NHSL1: variants seen among roughly 807,000 people sequenced by gnomAD.
The protein encoded by NHSL1 is NHS-like protein 1.
Under a neutral mutation model 95.0 loss-of-function variants are expected in NHSL1, and 48 were observed. The observed-to-expected ratio is 0.51, with a 90% confidence interval of 0.40 to 0.64. The LOEUF (loss-of-function observed/expected upper bound fraction) is 0.64. Among genes scored for constraint, NHSL1 ranks in the 30% least tolerant of loss-of-function variants. The probability of loss-of-function intolerance (pLI) is 0.00; values close to 1 mark genes in which losing one functional copy is unlikely to be tolerated. For missense variants in NHSL1, 1,971 were observed against 2,077.7 expected, an observed-to-expected ratio of 0.95 and a Z score of 1.00; for synonymous variants, 783 against 833.9, an observed-to-expected ratio of 0.94 and a Z score of 1.05.
rs56326954 is a variant in NHSL1, at chr6:138,423,815, CAAAAAA to C, written c.*260_*265del. On this transcript the variant is annotated 3_prime_UTR_variant, in exon 8 of 8. Coordinates refer to ENST00000343505, the MANE Select transcript of NHSL1 (RefSeq NM_001144060.2). ...GCACACATACACACCCAGCATTTAG[CAAAAAA>C]AAAAAAAAAAAAAAAAAATCTTCCC... The C allele has an allele frequency of 7.7e-3, 1,076 of 138,840 alleles. 12 individuals are homozygous for C. The highest frequency in any genetic ancestry group is 6.5e-3 in the Middle Eastern group (3 of 464). The allele number at this position is 138,840 out of a possible 1,614,324, so 8.6% of individuals were successfully genotyped here.
intron 1 of NHSL1, among the ~76,000 whole-genome samples, chr6:138,666,815 C>T (rs879370829): frequency 1.3e-5 from 2 of 152,118 alleles, no homozygotes; most frequent in Non-Finnish European, 2.9e-5. Context: ...GACGATGACT[C>T]GCTCTGAAGA....
intron 3 of NHSL1, among the ~76,000 whole-genome samples, chr6:138,467,973 C>T (rs1275897641): frequency 6.6e-6 from 1 of 152,126 alleles, no homozygotes; most frequent in Non-Finnish European, 1.5e-5. Flanking sequence ...GTCTTGAATT[C>T]CTGGACTCAT....
At chr6:138,590,468 C>T (rs184719046) in intron 1 of NHSL1, among the ~76,000 whole-genome samples, 24 of 152,268 alleles carry the variant, frequency 1.6e-4, no homozygotes, top group Admixed American at 1.4e-3. Flanking sequence ...AGCCCCTGCC[C>T]CTCTTCCCTC....
At chr6:138,605,141 G>T (rs905840913) in intron 1 of NHSL1, among the ~76,000 whole-genome samples, 3 of 152,186 alleles carry the variant, frequency 2.0e-5, no homozygotes, top group African/African-American at 7.2e-5. Flanking sequence ...ATCAAAAGCA[G>T]AAAACTGACT....
At chr6:138,441,439 G>C (rs147029537) in intron 5 of NHSL1, among the ~76,000 whole-genome samples, 40 of 152,232 alleles carry the variant, frequency 2.6e-4, no homozygotes, top group African/African-American at 9.4e-4. Flanking sequence ...AAGAATTAAG[G>C]ATAAAGAAGC....
In NHSL1 at chr6:138,692,202, A is replaced by G. The variant is rs1346331757; in HGVS notation, c.96+274T>C. The G allele has an allele frequency of 1.3e-5, 6 of 456,614 alleles. No homozygotes were observed. Among genetic ancestry groups the G allele is most frequent in the Admixed American group, 2.3e-5 (1 of 42,570 alleles). The allele number at this position is 456,614 out of a possible 1,614,324, so 28.3% of individuals were successfully genotyped here. ...CAAACAGACAGACACAGACAGACAGAAGGAGCAGACAAGGGGACTGTCCAA... is the reference window on the plus strand; with the variant it reads ...CAAACAGACAGACACAGACAGACAGGAGGAGCAGACAAGGGGACTGTCCAA... On this transcript the variant is annotated intron_variant, in intron 1 of 3. Transcript: ENST00000491526. This position sits in a 1 kb window ranked among gnomAD's most constrained non-coding sequence, Gnocchi z 4.0.
At chr6:138,666,757 C>T (rs1785300903) in intron 1 of NHSL1, among the ~76,000 whole-genome samples, 1 of 151,840 alleles carries the variant, frequency 6.6e-6, no homozygotes, top group South Asian at 2.1e-4. Flanking sequence ...TATTGATATA[C>T]AGGAGGGGAA....
At chr6:138,596,535 T>G (rs1784304247) in intron 1 of NHSL1, among the ~76,000 whole-genome samples, 1 of 152,212 alleles carries the variant, frequency 6.6e-6, no homozygotes, top group African/African-American at 2.4e-5. Flanking sequence ...TCATGACATT[T>G]AAAACCAAGT....
chr6:138,615,298 A>G (rs1461097079), intron 1 of NHSL1, among the ~76,000 whole-genome samples: 1 of 152,240 alleles, frequency 6.6e-6, no homozygotes, highest in African/African-American at 2.4e-5. Context: ...GTTGCTTTCC[A>G]GCCCCTTGTT....
intron 1 of NHSL1, among the ~76,000 whole-genome samples, chr6:138,681,983 C>CT (rs5880393): frequency 0.58 from 84,138 of 145,230 alleles, 25,286 homozygotes; most frequent in East Asian, 0.85. Context: ...TACCGCTTTT[C>CT]TTTTTTTTTT....
Position 138,571,570 on chromosome 6 carries a change from C to T in NHSL1, c.202+140G>A, listed in dbSNP as rs554496369. ...TTATTTTAGACATGTAAACAAATGA[C>T]GCCGAATTCCAATACAAAAACAAAC... On this transcript the variant is annotated intron_variant, in intron 1 of 6. Coordinates refer to the NHSL1 transcript ENST00000427025. The T allele has an allele frequency of 2.1e-5, 15 of 721,368 alleles. 1 individual carries two copies. The highest frequency in any genetic ancestry group is 1.1e-4 in the East Asian group (4 of 37,006). The allele number at this position is 721,368 out of a possible 1,614,324, so 44.7% of individuals were successfully genotyped here.
At chr6:138,553,333 C>T (rs1346232331) in intron 1 of NHSL1, among the ~76,000 whole-genome samples, 2 of 152,202 alleles carry the variant, frequency 1.3e-5, no homozygotes, top group African/African-American at 2.4e-5. Flanking sequence ...TTTTACTTCT[C>T]TAAAGCCTCA....
At position 138,433,642 on chromosome 6, in the gene NHSL1, C is replaced by A. The variant is rs1180485442; in HGVS notation, c.703G>T (p.Val235Leu). The change falls in exon 6 of 8, where the codon GTG (valine) becomes TTG (leucine). Residue 235 changes from valine to leucine, a missense_variant. Around this residue, in one of 3 missense-constraint regions of NHSL1, gnomAD observed 1,602 missense variants for 1,654.5 expected, o/e 0.97. Coordinates refer to ENST00000343505, the MANE Select transcript of NHSL1 (RefSeq NM_001144060.2). The stretch of plus-strand genomic sequence containing the variant: ...GTAGAGTAGTGATCAGGGGTGTACA[C>A]TGAGTGGCCATCAGCATCATCTTGG... Reference protein sequence around the residue: ...TGQDDADGHSVYTPDHYSTLG... With the variant: ...TGQDDADGHSLYTPDHYSTLG... 1.9e-6 allele frequency: 3 copies of A among 1,547,008 alleles called. No homozygotes were observed. In the Admixed American group the frequency reaches 5.9e-5, roughly 30 times the overall value.
chr6:138,594,920 G>A (rs866263988), intron 1 of NHSL1, among the ~76,000 whole-genome samples: 1 of 152,214 alleles, frequency 6.6e-6, no homozygotes, highest in African/African-American at 2.4e-5. Flanking sequence ...TGGTTAGCTG[G>A]CTGCTGGTTC....
chr6:138,645,738 C>T (rs1044137093), intron 1 of NHSL1, among the ~76,000 whole-genome samples: 1 of 152,040 alleles, frequency 6.6e-6, no homozygotes, highest in African/African-American at 2.4e-5. Flanking sequence ...GATTTCCTGA[C>T]CTTGTGATCT....
At chr6:138,653,834 G>A (rs1351318477) in intron 1 of NHSL1, among the ~76,000 whole-genome samples, 9 of 152,090 alleles carry the variant, frequency 5.9e-5, no homozygotes, top group Non-Finnish European at 1.2e-4. Flanking sequence ...AATGTTTCAC[G>A]AAACATGTCT....
At chr6:138,625,000 G>C (rs540905827) in intron 1 of NHSL1, among the ~76,000 whole-genome samples, 2 of 152,250 alleles carry the variant, frequency 1.3e-5, no homozygotes, top group South Asian at 2.1e-4. Context: ...GTGTGTGTGA[G>C]AGAGAGATAT....
In NHSL1 at chr6:138,682,008, T is replaced by A. The variant is rs1785518793; in HGVS notation, c.96+10468A>T. 2.0e-5 allele frequency among the ~76,000 whole-genome samples: 3 copies of A among 149,520 alleles called. No individual in the cohort carries two copies. The Admixed American group carries it at 2.0e-4, about 10-fold the overall frequency. On this transcript the variant is annotated intron_variant, in intron 1 of 3. Transcript: ENST00000491526. ...CTTTTTTTTTTTTTCTGAGACGGAGTTTTGATCTTGTCGCCCAGGCTAGAG... is the reference window on the plus strand; with the variant it reads ...CTTTTTTTTTTTTTCTGAGACGGAGATTTGATCTTGTCGCCCAGGCTAGAG...
rs75916206 is a variant in NHSL1, at chr6:138,584,690, A to G, written c.97-88319T>C. ...CCAGGACCAAAACTGGGTGTGTTAA[A>G]TCAAGACAACTTCTATTACCATGAA... On this transcript the variant is annotated intron_variant, in intron 1 of 3. Coordinates refer to the NHSL1 transcript ENST00000491526. Among the ~76,000 whole-genome samples the G allele has an allele frequency of 6.6e-3, 1,000 of 152,342 alleles. 34 individuals are homozygous for G. The East Asian group carries it at 0.099, about 15-fold the overall frequency.
Sources: gnomAD v4.1 joint callset for allele counts (sites outside exome capture counted in the v4.1 genomes callset) on GRCh38, gnomAD v4.1.1 for gene constraint, gnomAD v4.1.1 regional missense constraint, Gnocchi (gnomAD v3.1) non-coding constraint, MANE v1.5 for transcripts, NCBI Gene and HGNC (gene_info 2026-07-23, HGNC 2026-07-21) for gene names.